HNRNPUL1: variants seen among roughly 807,000 people sequenced by gnomAD.
HNRNPUL1 encodes heterogeneous nuclear ribonucleoprotein U like 1, also known as heterogeneous nuclear ribonucleoprotein U-like protein 1.
Under a neutral mutation model 108.5 loss-of-function variants are expected in HNRNPUL1, and 14 were observed. The ratio of observed to expected loss-of-function variants is 0.13; its 90% CI spans 0.09 to 0.20. The LOEUF is 0.20. Ranked by LOEUF, HNRNPUL1 falls within the 10% of genes least tolerant of loss-of-function variation. The probability of loss-of-function intolerance (pLI) is 1.00; values close to 1 mark genes in which losing one functional copy is unlikely to be tolerated. For synonymous variants in HNRNPUL1, 422 were observed against 445.2 expected, an observed-to-expected ratio of 0.95 and a Z score of 0.66; for missense variants, 804 against 1,168.3, an observed-to-expected ratio of 0.69 and a Z score of 4.55.
intron 10 of HNRNPUL1, among the ~76,000 whole-genome samples, chr19:41,296,144 G>A (rs1457702005): frequency 6.6e-6 from 1 of 152,160 alleles, no homozygotes; most frequent in Non-Finnish European, 1.5e-5. Context: ...CTTTTTCTTG[G>A]TTTGCTGGTT....
At chr19:41,302,214 G>GTTT (rs58368849) in intron 11 of HNRNPUL1, among the ~76,000 whole-genome samples, 3,511 of 92,312 alleles carry the variant, frequency 0.038, 152 homozygotes, top group South Asian at 0.066. Flanking sequence ...CTCTCTCTCT[G>GTTT]TTTTTTTTTT....
intron 7 of HNRNPUL1, among the ~76,000 whole-genome samples, chr19:41,289,147 CT>C (rs2122765207): frequency 6.6e-6 from 1 of 152,252 alleles, no homozygotes; most frequent in East Asian, 1.9e-4. Context: ...CAGTATGGAA[CT>C]CTAGGCCTTG....
In HNRNPUL1 at chr19:41,306,520, C is replaced by T. The variant is rs767764638; in HGVS notation, c.2526C>T (p.Tyr842=). Residue 842 remains tyrosine (Y), a synonymous_variant, in exon 15 of 15, where the codon TAC becomes TAT. Transcript: ENST00000392006. The part of the protein sequence containing the change: ...QWPPYYGNYD[Y]GSYSGNTQGG... ...CGCCATACTACGGGAACTACGACTA[C>T]GGGAGCTACTCCGGGAACACACAGG... 2.2e-5 allele frequency: 36 copies of T among 1,605,574 alleles called. No individual in the cohort carries two copies. The highest frequency in any genetic ancestry group is 1.5e-4 in the Admixed American group (9 of 58,712).
rs1172279996 is a variant in HNRNPUL1 at position 41,291,088 on chromosome 19, CAATAAGTAGTTGTTACAG to C, written c.1000-1151_1000-1134del. Among the ~76,000 whole-genome samples the C allele has an allele frequency of 8.5e-5, 13 of 152,284 alleles. No homozygotes were observed. In the East Asian group the frequency reaches 2.5e-3, roughly 29 times the overall value. On this transcript the variant is annotated intron_variant, in intron 7 of 14. Coordinates refer to ENST00000392006, the MANE Select transcript of HNRNPUL1 (RefSeq NM_007040.6). ...ATCTTAATTACTAACTTTAGCAATT[CAATAAGTAGTTGTTACAG>C]AATAAATGAATGTGGTCCCTGCATG...
intron 12 of HNRNPUL1, among the ~76,000 whole-genome samples, chr19:41,303,349 C>CT (rs2037350192): frequency 3.5e-4 from 47 of 133,336 alleles, no homozygotes; most frequent in African/African-American, 1.1e-3. Context: ...AGCTTCCTCT[C>CT]ATTTTTTTTT....
chr19:41,266,518 C>G (rs1258525530), intron 1 of HNRNPUL1, among the ~76,000 whole-genome samples: 1 of 152,044 alleles, frequency 6.6e-6, no homozygotes, highest in African/African-American at 2.4e-5. Flanking sequence ...GTCTTGAACT[C>G]CTGGGTTCAG....
intron 10 of HNRNPUL1, among the ~76,000 whole-genome samples, chr19:41,296,790 A>G (rs558671032): frequency 6.6e-6 from 1 of 152,210 alleles, no homozygotes; most frequent in Non-Finnish European, 1.5e-5. Flanking sequence ...CCCATACTAC[A>G]GGCAAAATCC....
chr19:41,273,937 C>A, intron 3 of HNRNPUL1, 45 bp from the exon 4 acceptor site: 1 of 1,428,942 alleles, frequency 7.0e-7, no homozygotes, highest in Non-Finnish European at 9.9e-7. Context: ...TTCCTTTGTG[C>A]TCATCCATTG....
intron 3 of HNRNPUL1, among the ~76,000 whole-genome samples, chr19:41,273,299 C>A (rs1599774578): frequency 6.6e-6 from 1 of 152,152 alleles, no homozygotes; most frequent in Non-Finnish European, 1.5e-5. Context: ...AGTCAGCAGC[C>A]AAATGGGCAT....
In HNRNPUL1 at chr19:41,264,792, G is replaced by C. The variant is rs1357067414; in HGVS notation, c.289G>C (p.Gly97Arg). The C allele has an allele frequency of 3.2e-5, 43 of 1,357,624 alleles. No homozygotes were observed. Among genetic ancestry groups the C allele is most frequent in the Non-Finnish European group, 4.1e-5 (43 of 1,059,496 alleles). The allele number at this position is 1,357,624 out of a possible 1,614,324, so 84.1% of individuals were successfully genotyped here. ...GCCCGGCGGCTACTCGGGGCCGGAC[G>C]GACATTGTGAGAGTGCGCGGGGCGG... Reference protein sequence around the residue: ...AEPGGYSGPDGHYAMDNITRQ... With the variant: ...AEPGGYSGPDRHYAMDNITRQ... The change falls in exon 1 of 15, where the codon GGA becomes CGA. Residue 97 changes from glycine (G) to arginine (R), a missense_variant. Around this residue, in one of 4 missense-constraint regions of HNRNPUL1, gnomAD observed 256 missense variants for 261.6 expected, o/e 0.98. Transcript: ENST00000392006.
Position 41,265,222 on chromosome 19 carries a change from G to A in HNRNPUL1, c.295+424G>A, listed in dbSNP as rs916258064. The A allele has an allele frequency of 2.6e-6, 4 of 1,519,926 alleles. No individual in the cohort carries two copies. The African/African-American group carries it at 4.2e-5, about 16-fold the overall frequency. The allele number at this position is 1,519,926 out of a possible 1,614,324, so 94.2% of individuals were successfully genotyped here. ...GCTAGCCCAGCGTGTGGGCTGGGGG[G>A]TGGGGAGCCGTGTTTCCAGGGTGGG... On this transcript the variant is annotated intron_variant, in intron 1 of 14. Coordinates refer to ENST00000392006, the MANE Select transcript of HNRNPUL1 (RefSeq NM_007040.6).
chr19:41,264,013 T>C (rs1259379021), upstream of HNRNPUL1, among the ~76,000 whole-genome samples: 1 of 152,152 alleles, frequency 6.6e-6, no homozygotes, highest in Non-Finnish European at 1.5e-5. Context: ...CTTAGTTTGA[T>C]GAAAGGACTG....
Position 41,273,996 on chromosome 19 carries a change from A to G in HNRNPUL1, c.587A>G (p.Gln196Arg). The G allele has an allele frequency of 6.2e-7, 1 of 1,614,090 alleles. No individual in the cohort carries two copies. The highest frequency in any genetic ancestry group is 8.5e-7 in the Non-Finnish European group (1 of 1,179,954). Residue 196 changes from glutamine to arginine, a missense_variant, in exon 4 of 15, where the codon CAG becomes CGG. Coordinates refer to ENST00000392006, the MANE Select transcript of HNRNPUL1 (RefSeq NM_007040.6). ...HREDRRGRSP[Q>R]PPAEEDEDDF... ...TTCTAATACAGGGGCCGCTCTCCTC[A>G]GCCTCCTGCTGAAGAGGATGAAGAT... is the stretch of plus-strand genomic sequence containing the variant.
chr19:41,282,797 C>T (rs1046781234), intron 7 of HNRNPUL1, among the ~76,000 whole-genome samples: 29 of 148,952 alleles, frequency 1.9e-4, no homozygotes, highest in African/African-American at 6.4e-4. Context: ...TCACGCCATT[C>T]TCCTGCCTCA....
chr19:41,292,496 C>T lies in HNRNPUL1; in HGVS notation c.1251C>T (p.Ser417=), dbSNP rs2036643607. 1.9e-6 allele frequency: 3 copies of T among 1,611,318 alleles called. No homozygotes were observed. Among genetic ancestry groups the T allele is most frequent in the Non-Finnish European group, 2.5e-6 (3 of 1,177,838 alleles). The part of the protein sequence containing the change: ...ERIRGTVGPK[S]KAECEILMMV... ...TCCGGGGCACCGTTGGACCAAAGAGCAAGGCAGAATGTGAGGTGAGTGGGG... is the reference window on the plus strand; with the variant it reads ...TCCGGGGCACCGTTGGACCAAAGAGTAAGGCAGAATGTGAGGTGAGTGGGG... The change falls in exon 8 of 15, where the codon AGC becomes AGT. Residue 417 remains serine, a synonymous_variant. Transcript: ENST00000392006. The surrounding 1 kb of genome is among the most constrained non-coding windows in gnomAD (Gnocchi z 4.1).
intron 4 of HNRNPUL1, 123 bp from the exon 5 acceptor site, chr19:41,276,036 G>A: frequency 2.5e-6 from 3 of 1,216,848 alleles, no homozygotes; most frequent in Non-Finnish European, 3.6e-6. Context: ...CCGGGAGGCG[G>A]AGGTTGCGGT....
Position 41,301,661 on chromosome 19 carries a change from G to A in HNRNPUL1, c.1644G>A (p.Glu548=). Residue 548 remains glutamate (E), a synonymous_variant, in exon 11 of 15, where the codon GAG becomes GAA. Transcript: ENST00000392006. ...ACCGAACAATAAAGCGAACCGACGAGGAAGGGAAGGATGTCCCAGATCATG... is the reference window on the plus strand; with the variant it reads ...ACCGAACAATAAAGCGAACCGACGAAGAAGGGAAGGATGTCCCAGATCATG... The part of the protein sequence containing the change: ...LKDRTIKRTD[E]EGKDVPDHAV... 1 of 1,613,980 alleles carries A rather than the reference G, an allele frequency of 6.2e-7. No homozygotes were observed. The highest frequency in any genetic ancestry group is 8.5e-7 in the Non-Finnish European group (1 of 1,179,962).
chr19:41,279,217 CTG>C, intron 6 of HNRNPUL1, 41 bp downstream of exon 6: 2 of 1,357,504 alleles, frequency 1.5e-6, no homozygotes, highest in Non-Finnish European at 1.0e-6. Context: ...AATAGAGTGA[CTG>C]TCCCTACCCT....
intron 5 of HNRNPUL1, among the ~76,000 whole-genome samples, chr19:41,277,937 A>G (rs993763244): frequency 6.6e-6 from 1 of 152,064 alleles, no homozygotes; most frequent in Admixed American, 6.6e-5. Context: ...TTTAATACGA[A>G]ATTAAGTCAG....
Sources: allele counts gnomAD v4.1 joint callset (sites outside exome capture counted in the v4.1 genomes callset), GRCh38; gene constraint gnomAD v4.1.1; regional missense constraint gnomAD v4.1.1; non-coding constraint Gnocchi (gnomAD v3.1); transcripts MANE v1.5; gene names NCBI Gene and HGNC (gene_info 2026-07-23, HGNC 2026-07-21).